The following CNTN5 variants were observed in gnomAD, a reference collection of about 807,000 sequenced individuals.
CNTN5 encodes the protein contactin 5, also known as contactin-5.
Under a neutral mutation model 129.1 loss-of-function variants are expected in CNTN5, and 77 were observed. The observed-to-expected ratio is 0.60, with a 90% confidence interval of 0.50 to 0.72. The LOEUF is 0.72. Among genes scored for constraint, CNTN5 ranks in the 30% least tolerant of loss-of-function variants. CNTN5 has a pLI of 0.00. For missense variants in CNTN5, 1,478 were observed against 1,328.8 expected, an observed-to-expected ratio of 1.11 and a Z score of -1.75; for synonymous variants, 509 against 465.6, an observed-to-expected ratio of 1.09 and a Z score of -1.20.
intron 3 of CNTN5, among the ~76,000 whole-genome samples, chr11:99,797,873 T>A (rs1295285798): frequency 1.3e-5 from 2 of 152,180 alleles, no homozygotes; most frequent in Non-Finnish European, 2.9e-5. Context: ...TGTCATTAAT[T>A]TGTGAAATTA....
At chr11:99,298,510 C>T (rs1175398082) in intron 1 of CNTN5, among the ~76,000 whole-genome samples, 5 of 152,102 alleles carry the variant, frequency 3.3e-5, no homozygotes, top group Admixed American at 3.3e-4. Context: ...ATTTGTCTGG[C>T]TATTAAGCTA....
chr11:100,028,232 C>CTA (rs1792434260), intron 9 of CNTN5, among the ~76,000 whole-genome samples: 3 of 152,086 alleles, frequency 2.0e-5, no homozygotes, highest in Non-Finnish European at 4.4e-5. Flanking sequence ...TTCACAAGGA[C>CTA]TATAACTCTT....
chr11:99,843,830 T>C (rs926942108), intron 4 of CNTN5, among the ~76,000 whole-genome samples: 3 of 152,182 alleles, frequency 2.0e-5, no homozygotes, highest in Non-Finnish European at 4.4e-5. Context: ...TATTATGTGA[T>C]CAAATTCATG....
At chr11:99,382,880 A>C (rs760445246) in intron 2 of CNTN5, among the ~76,000 whole-genome samples, 1 of 18,522 alleles carries the variant, frequency 5.4e-5, no homozygotes, top group Admixed American at 1.0e-3. Flanking sequence ...TTTTTTAGAC[A>C]GAGTCTCGCT....
At chr11:100,108,455 A>G (rs1204398260) in intron 13 of CNTN5, among the ~76,000 whole-genome samples, 1 of 152,180 alleles carries the variant, frequency 6.6e-6, no homozygotes, top group Non-Finnish European at 1.5e-5. Context: ...TGGGAGAGAC[A>G]CATATTTTCA....
At chr11:99,712,219 C>T (rs184463772) in intron 3 of CNTN5, among the ~76,000 whole-genome samples, 2 of 152,164 alleles carry the variant, frequency 1.3e-5, no homozygotes, top group Admixed American at 1.3e-4. Context: ...TTGCATTTCT[C>T]TAATGACCAG....
intron 1 of CNTN5, among the ~76,000 whole-genome samples, chr11:99,081,168 C>G (rs557542803): frequency 6.6e-6 from 1 of 152,188 alleles, no homozygotes; most frequent in Admixed American, 6.5e-5. Context: ...TTTTCAATTA[C>G]TCCAACAATG....
intron 6 of CNTN5, among the ~76,000 whole-genome samples, chr11:99,870,419 C>G (rs931374941): frequency 2.0e-5 from 3 of 152,068 alleles, no homozygotes; most frequent in African/African-American, 7.2e-5. Context: ...GGAAGCTTTT[C>G]TGTTAGAGTA....
intron 7 of CNTN5, among the ~76,000 whole-genome samples, chr11:99,921,723 G>A (rs1949944807): frequency 6.6e-6 from 1 of 151,978 alleles, no homozygotes; most frequent in Admixed American, 6.6e-5. Flanking sequence ...CCATTGCCTA[G>A]GACAGAGTAT....
intron 2 of CNTN5, among the ~76,000 whole-genome samples, chr11:99,533,226 C>G (rs1042662297): frequency 3.9e-5 from 6 of 152,162 alleles, no homozygotes; most frequent in Non-Finnish European, 7.4e-5. Flanking sequence ...GACTTTGTCT[C>G]AAAACCAAAC....
intron 13 of CNTN5, among the ~76,000 whole-genome samples, chr11:100,114,414 A>C (rs534836144): frequency 6.6e-6 from 1 of 152,284 alleles, no homozygotes; most frequent in African/African-American, 2.4e-5. Context: ...TGTGGCAGGA[A>C]GAACTTTAAA....
At chr11:99,147,725 A>T (rs117322501) in intron 1 of CNTN5, among the ~76,000 whole-genome samples, 2 of 152,150 alleles carry the variant, frequency 1.3e-5, no homozygotes, top group African/African-American at 4.8e-5. Flanking sequence ...CTCCTCTGAT[A>T]TTTCCTAACA....
intron 1 of CNTN5, among the ~76,000 whole-genome samples, chr11:99,253,021 A>G (rs1208157894): frequency 6.7e-6 from 1 of 149,816 alleles, no homozygotes; most frequent in Non-Finnish European, 1.5e-5. Flanking sequence ...TATATATTTC[A>G]TTAATTCGTG....
At chr11:100,209,672 G>C (rs1434686197) in intron 15 of CNTN5, among the ~76,000 whole-genome samples, 1 of 152,132 alleles carries the variant, frequency 6.6e-6, no homozygotes, top group African/African-American at 2.4e-5. Context: ...CTTGTTAAAT[G>C]TTTCTACCAC....
At chr11:100,227,913 T>C (rs532727168) in intron 16 of CNTN5, among the ~76,000 whole-genome samples, 3 of 152,282 alleles carry the variant, frequency 2.0e-5, no homozygotes, top group Non-Finnish European at 4.4e-5. Flanking sequence ...AGAACCAGTA[T>C]TCCCAGACAA....
At chr11:99,424,289 A>AATGG (rs1378156136) in intron 2 of CNTN5, among the ~76,000 whole-genome samples, 2 of 152,314 alleles carry the variant, frequency 1.3e-5, no homozygotes, top group East Asian at 3.9e-4. Context: ...ACAAGTGACT[A>AATGG]ATGGGTGGGT....
intron 21 of CNTN5, among the ~76,000 whole-genome samples, chr11:100,320,320 C>T (rs1348544787): frequency 6.6e-6 from 1 of 152,142 alleles, no homozygotes; most frequent in Non-Finnish European, 1.5e-5. Context: ...TTTCCATATA[C>T]CTGTTGGCCA....
chr11:99,654,979 T>G (rs764313814), intron 3 of CNTN5, among the ~76,000 whole-genome samples: 3 of 152,000 alleles, frequency 2.0e-5, no homozygotes, highest in Non-Finnish European at 4.4e-5. Context: ...GTTTAGAGTT[T>G]ATAAGGGTTT....
chr11:99,394,224 C>A (rs2136194249), intron 2 of CNTN5, among the ~76,000 whole-genome samples: 1 of 151,708 alleles, frequency 6.6e-6, no homozygotes, highest in East Asian at 1.9e-4. Flanking sequence ...AGTCAACAGC[C>A]AGCAAGGGAA....
Sources: gnomAD v4.1 joint callset for allele counts (sites outside exome capture counted in the v4.1 genomes callset) on GRCh38, gnomAD v4.1.1 for gene constraint, MANE v1.5 for transcripts, NCBI Gene and HGNC (gene_info 2026-07-23, HGNC 2026-07-21) for gene names.